LTBP1: variants seen among roughly 807,000 people sequenced by gnomAD.
The protein encoded by LTBP1 is latent-transforming growth factor beta-binding protein 1.
Under a neutral mutation model 207.6 loss-of-function variants are expected in LTBP1, and 129 were observed. The observed-to-expected ratio is 0.62, with a 90% CI of 0.54 to 0.72. The LOEUF (loss-of-function observed/expected upper bound fraction) is 0.72, where lower values mean the gene tolerates loss of function less well. LTBP1 is among the 30% of genes least tolerant of loss of function. The pLI is 0.00. For missense variants in LTBP1, 2,281 were observed against 2,217.2 expected (o/e 1.03, Z -0.58); for synonymous variants, 963 against 833.7 (o/e 1.16, Z -2.67).
At chr2:33,160,886 G>A (rs1468491577) in intron 5 of LTBP1, among the ~76,000 whole-genome samples, 1 of 152,172 alleles carries the variant, frequency 6.6e-6, no homozygotes, top group Non-Finnish European at 1.5e-5. Flanking sequence ...GAGGAGAGGA[G>A]AGTGCAGCAC....
At chr2:33,036,694 T>C (rs1432095481) in intron 3 of LTBP1, among the ~76,000 whole-genome samples, 3 of 152,140 alleles carry the variant, frequency 2.0e-5, no homozygotes, top group Non-Finnish European at 2.9e-5. Context: ...CTGACCTCAG[T>C]TGATCCACCC....
At chr2:33,073,338 A>G (rs1359411538) in intron 3 of LTBP1, among the ~76,000 whole-genome samples, 3 of 149,192 alleles carry the variant, frequency 2.0e-5, no homozygotes, top group Non-Finnish European at 4.4e-5. Flanking sequence ...TTCTTTGACT[A>G]TAAAGGACTC....
intron 5 of LTBP1, among the ~76,000 whole-genome samples, chr2:33,177,608 C>T (rs1356266535): frequency 7.2e-5 from 11 of 151,806 alleles, no homozygotes; most frequent in South Asian, 2.1e-4. Context: ...ATGGACATTG[C>T]GGTGAGCCGA....
At chr2:33,119,062 A>C (rs1189880399) in intron 4 of LTBP1, among the ~76,000 whole-genome samples, 1 of 152,180 alleles carries the variant, frequency 6.6e-6, no homozygotes, top group Non-Finnish European at 1.5e-5. Flanking sequence ...ATAAGGGCCC[A>C]AGAGTTTATA....
chr2:33,041,584 G>T (rs1176107988), intron 3 of LTBP1, among the ~76,000 whole-genome samples: 1 of 152,202 alleles, frequency 6.6e-6, no homozygotes, highest in Non-Finnish European at 1.5e-5. Context: ...GCCTGGCCCA[G>T]ACTGTGTCTT....
At chr2:33,096,539 T>C (rs957324887) in intron 3 of LTBP1, among the ~76,000 whole-genome samples, 18 of 152,220 alleles carry the variant, frequency 1.2e-4, no homozygotes, top group Admixed American at 4.6e-4. Context: ...CAACCTATTA[T>C]CCTGACAAGA....
At chr2:33,172,909 G>A (rs1361679438) in intron 5 of LTBP1, among the ~76,000 whole-genome samples, 1 of 151,952 alleles carries the variant, frequency 6.6e-6, no homozygotes, top group African/African-American at 2.4e-5. Flanking sequence ...TGACTACTGG[G>A]TACATAACAA....
At position 33,315,036 on chromosome 2, in the gene LTBP1, A is replaced by C. The variant is rs2094246242; in HGVS notation, c.3605-108A>C. Reference sequence around the variant, plus strand: ...GACAAATGGTATAGTTGTTCCACTAAATAAATGTCCAGCCATGTCATAATA... The same window carrying C: ...GACAAATGGTATAGTTGTTCCACTACATAAATGTCCAGCCATGTCATAATA... On this transcript the variant is annotated intron_variant, in intron 23 of 33. Coordinates refer to ENST00000404816, the MANE Select transcript of LTBP1 (RefSeq NM_206943.4). 2.7e-5 allele frequency: 24 copies of C among 880,020 alleles called. No individual in the cohort carries two copies. The South Asian group carries it at 4.0e-4, about 15-fold the overall frequency. The allele number at this position is 880,020 out of a possible 1,614,324, so 54.5% of individuals were successfully genotyped here. A position where few individuals can be genotyped will look rare whatever the true frequency, so the allele number is the denominator to read the frequency against.
At chr2:33,006,114 T>C (rs1179279780) in intron 2 of LTBP1, among the ~76,000 whole-genome samples, 1 of 151,852 alleles carries the variant, frequency 6.6e-6, no homozygotes, top group Non-Finnish European at 1.5e-5. Context: ...TAGGAATACA[T>C]AGTATTTAAG....
chr2:33,259,960 G>A (rs1395642153), intron 13 of LTBP1, among the ~76,000 whole-genome samples: 1 of 152,172 alleles, frequency 6.6e-6, no homozygotes, highest in Non-Finnish European at 1.5e-5. Context: ...GAAAGGCTGT[G>A]ACATGCTTAG....
chr2:33,255,700 T>G (rs7584010), intron 11 of LTBP1, among the ~76,000 whole-genome samples: 6,625 of 152,274 alleles, frequency 0.044, 489 homozygotes, highest in African/African-American at 0.14. Context: ...AACATAAGAA[T>G]GAGGTTCTAC....
At position 32,959,847 on chromosome 2, in the gene LTBP1, C is replaced by T. The variant is rs994057759; in HGVS notation, c.565+10902C>T. On this transcript the variant is annotated intron_variant, in intron 2 of 33. Transcript: ENST00000404816. ...CTTTGGCCAGGCTGGTCTTGAACTC[C>T]TGACCTCAGGTAATCTACCTGCCTT... 7.3e-5 allele frequency among the ~76,000 whole-genome samples: 11 copies of T among 151,540 alleles called. No homozygotes were observed. The South Asian group carries it at 8.4e-4, about 12-fold the overall frequency.
At chr2:33,076,405 T>C (rs1342012345) in intron 3 of LTBP1, among the ~76,000 whole-genome samples, 3 of 152,222 alleles carry the variant, frequency 2.0e-5, no homozygotes, top group Non-Finnish European at 4.4e-5. Context: ...AATCTCATCT[T>C]GTCTTTGTTC....
intron 10 of LTBP1, among the ~76,000 whole-genome samples, chr2:33,245,213 A>G (rs1206877619): frequency 6.6e-6 from 1 of 152,152 alleles, no homozygotes; most frequent in East Asian, 1.9e-4. Flanking sequence ...GCTTTGGTAT[A>G]TAATGAGCTG....
chr2:33,120,921 T>C (rs2081070917), intron 4 of LTBP1, among the ~76,000 whole-genome samples: 1 of 152,220 alleles, frequency 6.6e-6, no homozygotes, highest in African/African-American at 2.4e-5. Context: ...AGTACGTGGT[T>C]GACTACTCAG....
At chr2:33,158,744 C>CAAGT (rs2084212370) in intron 5 of LTBP1, among the ~76,000 whole-genome samples, 2 of 152,172 alleles carry the variant, frequency 1.3e-5, no homozygotes, top group Non-Finnish European at 2.9e-5. Context: ...AATATAAACT[C>CAAGT]AAGTCTCTTG....
intron 31 of LTBP1, among the ~76,000 whole-genome samples, chr2:33,378,183 A>ATGTGTGTGTGTGTGTGTGTGTGTGTG: frequency 1.5e-5 from 2 of 136,360 alleles, no homozygotes; most frequent in Non-Finnish European, 3.1e-5. Context: ...ATATATATAT[A>ATGTGTGTGTGTGTGTGTGTGTGTGTG]TATGTGTGTG....
At chr2:33,269,604 T>A (rs185176261) in intron 15 of LTBP1, among the ~76,000 whole-genome samples, 1 of 152,330 alleles carries the variant, frequency 6.6e-6, no homozygotes, top group Non-Finnish European at 1.5e-5. Context: ...TATGTGAGGC[T>A]TGACTCTGGT....
chr2:33,392,183 A>ATTTT (rs60323377), intron 32 of LTBP1, among the ~76,000 whole-genome samples: 5 of 148,278 alleles, frequency 3.4e-5, no homozygotes, highest in Non-Finnish European at 3.0e-5. Flanking sequence ...GCCAGGTAGT[A>ATTTT]TTTTTTTTTT....
Sources: allele counts gnomAD v4.1 joint callset (sites outside exome capture counted in the v4.1 genomes callset), GRCh38; gene constraint gnomAD v4.1.1; transcripts MANE v1.5; gene names NCBI Gene and HGNC (gene_info 2026-07-23, HGNC 2026-07-21).